The following XYLT1 variants were observed in gnomAD, a reference collection of about 807,000 sequenced individuals.
XYLT1 encodes the protein xylosyltransferase 1.
A neutral mutation model predicts 91.3 loss-of-function variants in XYLT1; 36 were observed. That is an observed-to-expected ratio of 0.39 (90% CI 0.30 to 0.52). The LOEUF is 0.52. Ranked by LOEUF, XYLT1 falls within the 20% of genes least tolerant of loss-of-function variation. The pLI, the probability that XYLT1 is intolerant of heterozygous loss-of-function variation, is 0.68. For missense variants in XYLT1, 1,242 were observed against 1,284.5 expected, an observed-to-expected ratio of 0.97 and a Z score of 0.51; for synonymous variants, 588 against 532.0, an observed-to-expected ratio of 1.11 and a Z score of -1.45.
chr16:17,366,467 GACGGATC>G (rs1437416203), intron 1 of XYLT1, among the ~76,000 whole-genome samples: 1 of 152,222 alleles, frequency 6.6e-6, no homozygotes, highest in Non-Finnish European at 1.5e-5. Flanking sequence ...GGCCAAGGCT[GACGGATC>G]ACTTGCGGTC....
intron 2 of XYLT1, among the ~76,000 whole-genome samples, chr16:17,307,636 A>G (rs1481541047): frequency 2.0e-5 from 3 of 152,206 alleles, no homozygotes; most frequent in Non-Finnish European, 4.4e-5. Flanking sequence ...ATCTTTCATA[A>G]GAGGGCTTCT....
intron 2 of XYLT1, among the ~76,000 whole-genome samples, chr16:17,293,383 G>C (rs1012079108): frequency 1.3e-5 from 2 of 151,958 alleles, no homozygotes; most frequent in Admixed American, 6.6e-5. Context: ...AAGTTCCCCA[G>C]GGACAGTGGT....
At chr16:17,391,376 T>A (rs1484532616) in intron 1 of XYLT1, among the ~76,000 whole-genome samples, 1 of 152,134 alleles carries the variant, frequency 6.6e-6, no homozygotes, top group Non-Finnish European at 1.5e-5. Flanking sequence ...GCAGCACCCA[T>A]AACTTTGTCC....
chr16:17,108,648 T>C lies in XYLT1; in HGVS notation c.*47A>G. On this transcript the variant is annotated 3_prime_UTR_variant, in exon 12 of 12. Transcript: ENST00000261381. Reference sequence around the variant, plus strand: ...GTTCAGGCCCCACAACCCCTCTGGCTGCTTTCCCGTTGAGATCCTGCTGTG... The same window carrying C: ...GTTCAGGCCCCACAACCCCTCTGGCCGCTTTCCCGTTGAGATCCTGCTGTG... 5 of 1,505,694 alleles carry C rather than the reference T, an allele frequency of 3.3e-6. No individual in the cohort carries two copies. The highest frequency in any genetic ancestry group is 4.4e-6 in the Non-Finnish European group (5 of 1,128,558). 93.3% of individuals were successfully genotyped at this position (1,505,694 alleles called of 1,614,324 possible).
chr16:17,359,397 T>C (rs2035350225), intron 1 of XYLT1, among the ~76,000 whole-genome samples: 1 of 152,182 alleles, frequency 6.6e-6, no homozygotes, highest in African/African-American at 2.4e-5. Flanking sequence ...TGAGCTGCCA[T>C]TCACTGTCTT....
At chr16:17,464,872 C>A (rs1327467377) in intron 1 of XYLT1, among the ~76,000 whole-genome samples, 4 of 151,924 alleles carry the variant, frequency 2.6e-5, no homozygotes, top group Non-Finnish European at 4.4e-5. Flanking sequence ...TGGGGCTGGG[C>A]AAAGTGGCTC....
At chr16:17,241,253 G>A (rs369168097) in intron 3 of XYLT1, among the ~76,000 whole-genome samples, 6 of 152,334 alleles carry the variant, frequency 3.9e-5, no homozygotes, top group African/African-American at 1.4e-4. Flanking sequence ...CTGTGTTCAC[G>A]GCAATAAACA....
chr16:17,237,954 A>G (rs1218278129), intron 3 of XYLT1, among the ~76,000 whole-genome samples: 1 of 152,222 alleles, frequency 6.6e-6, no homozygotes, highest in Non-Finnish European at 1.5e-5. Context: ...TTAGCAGTTC[A>G]GCAAACATTT....
chr16:17,214,570 T>G (rs1411760764), intron 3 of XYLT1, among the ~76,000 whole-genome samples: 1 of 151,538 alleles, frequency 6.6e-6, no homozygotes, highest in Non-Finnish European at 1.5e-5. Context: ...TTTGGGGGGG[T>G]TTGCTACCCA....
chr16:17,137,362 C>A (rs1404033815), intron 8 of XYLT1, among the ~76,000 whole-genome samples: 1 of 152,218 alleles, frequency 6.6e-6, no homozygotes, highest in East Asian at 1.9e-4. Context: ...ATCAAGGGCA[C>A]CTTGGCTGGG....
In XYLT1 at chr16:17,327,365, T is replaced by C. The variant is rs1478929824; in HGVS notation, c.402+30647A>G. 1.7e-3 allele frequency among the ~76,000 whole-genome samples: 242 copies of C among 145,134 alleles called. 1 individual carries two copies. The highest frequency in any genetic ancestry group is 3.4e-3 in the African/African-American group (136 of 39,658). On this transcript the variant is annotated intron_variant, in intron 2 of 11. Coordinates refer to ENST00000261381, the MANE Select transcript of XYLT1 (RefSeq NM_022166.4). ...CTTCCTTTTCTTTTCTTTTTTCTTTTTTTTTTTTTTTTTTTGAGATAGAGT... is the reference window on the plus strand; with the variant it reads ...CTTCCTTTTCTTTTCTTTTTTCTTTCTTTTTTTTTTTTTTTGAGATAGAGT...
At chr16:17,151,015 C>T (rs1313341813) in intron 6 of XYLT1, among the ~76,000 whole-genome samples, 1 of 152,252 alleles carries the variant, frequency 6.6e-6, no homozygotes, top group African/African-American at 2.4e-5. Flanking sequence ...TTCATAGGGG[C>T]CGACTTGATC....
chr16:17,195,091 C>A (rs997835676), intron 5 of XYLT1, among the ~76,000 whole-genome samples: 6 of 152,188 alleles, frequency 3.9e-5, no homozygotes, highest in African/African-American at 1.4e-4. Context: ...CAAGTGGAGA[C>A]AATTTTAGCT....
At chr16:17,396,815 G>A (rs1321391709) in intron 1 of XYLT1, among the ~76,000 whole-genome samples, 1 of 152,124 alleles carries the variant, frequency 6.6e-6, no homozygotes, top group Non-Finnish European at 1.5e-5. Context: ...AGGTTGCAGT[G>A]AGCCAAGATC....
chr16:17,271,427 C>T (rs888932712), intron 2 of XYLT1, among the ~76,000 whole-genome samples: 5 of 151,802 alleles, frequency 3.3e-5, no homozygotes, highest in Non-Finnish European at 7.4e-5. Flanking sequence ...CAGAGAGAGA[C>T]ACAGAGCAAG....
intron 2 of XYLT1, among the ~76,000 whole-genome samples, chr16:17,337,787 TTTTTTTTTTG>T (rs1303536734): frequency 5.4e-5 from 8 of 147,090 alleles, no homozygotes; most frequent in African/African-American, 2.0e-4. Context: ...TTTTCTTTTT[TTTTTTTTTTG>T]TGAGACAGAG....
intron 3 of XYLT1, among the ~76,000 whole-genome samples, chr16:17,214,210 G>A (rs1597197177): frequency 6.6e-6 from 1 of 152,190 alleles, no homozygotes; most frequent in Non-Finnish European, 1.5e-5. Flanking sequence ...GCAAACACAG[G>A]TAGCCACTCT....
At chr16:17,402,135 C>CA (rs559973657) in intron 1 of XYLT1, among the ~76,000 whole-genome samples, 231 of 138,144 alleles carry the variant, frequency 1.7e-3, no homozygotes, top group East Asian at 7.0e-3. Flanking sequence ...CCTGTTTCTA[C>CA]AAAAAAAAAA....
chr16:17,247,192 G>A (rs547556453), intron 3 of XYLT1, among the ~76,000 whole-genome samples: 2 of 146,616 alleles, frequency 1.4e-5, no homozygotes, highest in Non-Finnish European at 3.1e-5. Context: ...TTCATTCAAG[G>A]GCCATGTCTG....
Sources: allele counts gnomAD v4.1 joint callset (sites outside exome capture counted in the v4.1 genomes callset), GRCh38; gene constraint gnomAD v4.1.1; transcripts MANE v1.5; gene names NCBI Gene and HGNC (gene_info 2026-07-23, HGNC 2026-07-21).